The following ABCD2 variants were observed in gnomAD, a reference collection of about 807,000 sequenced individuals.
ABCD2 encodes ATP-binding cassette sub-family D member 2.
ABCD2 carries 36 observed loss-of-function variants against 70.9 expected under a neutral mutation model. The observed-to-expected ratio is 0.51, with a 90% CI of 0.39 to 0.67. ABCD2 has a LOEUF of 0.67. ABCD2 is among the 30% of genes least tolerant of loss of function. The probability of loss-of-function intolerance (pLI) is 0.00; values close to 1 mark genes in which losing one functional copy is unlikely to be tolerated. For missense variants in ABCD2, 729 were observed against 890.2 expected (o/e 0.82, Z 2.30); for synonymous variants, 304 against 306.9 (o/e 0.99, Z 0.10).
rs753642050 is a variant in ABCD2, at chr12:39,553,863, T to G, written c.*49A>C. 1.6e-5 allele frequency: 22 copies of G among 1,372,424 alleles called. No individual in the cohort carries two copies. The highest frequency in any genetic ancestry group is 2.2e-5 in the Non-Finnish European group (22 of 993,934). 85.0% of individuals were successfully genotyped at this position (1,372,424 alleles called of 1,614,324 possible). On this transcript the variant is annotated 3_prime_UTR_variant, in exon 10 of 10. Coordinates refer to ENST00000308666, the MANE Select transcript of ABCD2 (RefSeq NM_005164.4). Reference sequence around the variant, plus strand: ...ATACTTCATGCAGTATAACAGAATGTCTTTGAGCCTTTATCTAATAATTAA... The same window carrying G: ...ATACTTCATGCAGTATAACAGAATGGCTTTGAGCCTTTATCTAATAATTAA...
chr12:39,535,430 C>T, the ABCD2 span, among the ~76,000 whole-genome samples: 9 of 152,066 alleles, frequency 5.9e-5, no homozygotes, highest in African/African-American at 2.2e-4. Flanking sequence ...TTAAAAAAGA[C>T]ATATGTGAGG....
At chr12:39,565,961 G>C (rs1941339653) in intron 9 of ABCD2, among the ~76,000 whole-genome samples, 1 of 152,146 alleles carries the variant, frequency 6.6e-6, no homozygotes, top group African/African-American at 2.4e-5. Flanking sequence ...AACCAGCCTT[G>C]CATCCCAGGG....
Position 39,580,691 on chromosome 12 carries a change from G to A in ABCD2, c.1793-1072C>T, listed in dbSNP as rs576863485. 2.0e-5 allele frequency among the ~76,000 whole-genome samples: 3 copies of A among 152,176 alleles called. No homozygotes were observed. The East Asian group carries it at 5.8e-4, about 29-fold the overall frequency. On this transcript the variant is annotated intron_variant, in intron 7 of 9. Coordinates refer to ENST00000308666, the MANE Select transcript of ABCD2 (RefSeq NM_005164.4). ...GAGTCTGATTTTCAAACAAGAAAAT[G>A]ATGCCAAAACCTAACAGATACTTAC...
At chr12:39,611,918 T>A (rs1942049814) in intron 2 of ABCD2, among the ~76,000 whole-genome samples, 1 of 151,940 alleles carries the variant, frequency 6.6e-6, no homozygotes, top group South Asian at 2.1e-4. Flanking sequence ...GATAAACCAA[T>A]GTAAAAATGA....
chr12:39,609,477 T>G (rs1367731290), intron 2 of ABCD2, among the ~76,000 whole-genome samples: 1 of 152,224 alleles, frequency 6.6e-6, no homozygotes, highest in East Asian at 1.9e-4. Flanking sequence ...GTTATTATTT[T>G]TTGTAGTTGT....
Position 39,607,579 on chromosome 12 carries a change from A to C in ABCD2, c.1236+20T>G, listed in dbSNP as rs1455141208. On this transcript the variant is annotated intron_variant, in intron 3 of 9. Transcript: ENST00000308666. ...CATAAATTTTATTTTAATTGAATTG[A>C]CAATAAGAAATGCAAGTACCTCTTT... is the stretch of plus-strand genomic sequence containing the variant. The C allele has an allele frequency of 6.6e-7, 1 of 1,510,584 alleles. No homozygotes were observed. Among genetic ancestry groups the C allele is most frequent in the African/African-American group, 1.4e-5 (1 of 71,940 alleles). 93.6% of individuals were successfully genotyped at this position (1,510,584 alleles called of 1,614,324 possible). A position where few individuals can be genotyped will look rare whatever the true frequency, so the allele number is the denominator to read the frequency against.
the ABCD2 span, among the ~76,000 whole-genome samples, chr12:39,543,292 A>G: frequency 6.6e-6 from 1 of 152,204 alleles, no homozygotes; most frequent in Non-Finnish European, 1.5e-5. Context: ...AGCCAGCGTG[A>G]CATTTGGACC....
intron 6 of ABCD2, among the ~76,000 whole-genome samples, chr12:39,598,459 G>A (rs1941850011): frequency 6.6e-6 from 1 of 152,106 alleles, no homozygotes; most frequent in African/African-American, 2.4e-5. Flanking sequence ...GGAGTGCAGT[G>A]GCGCCATCTC....
chr12:39,579,023 C>T (rs1941559410), intron 8 of ABCD2, among the ~76,000 whole-genome samples: 1 of 151,954 alleles, frequency 6.6e-6, no homozygotes, highest in Non-Finnish European at 1.5e-5. Context: ...CATTACTCAA[C>T]ATGAAAGAAA....
chr12:39,607,806 T>G (rs1941991189), intron 2 of ABCD2, 92 bp from the exon 3 acceptor site: 1 of 813,348 alleles, frequency 1.2e-6, no homozygotes, highest in Non-Finnish European at 2.0e-6. Flanking sequence ...AAATTGTGGC[T>G]AAAACAACCA....
At chr12:39,595,062 T>C (rs1192579009) in intron 6 of ABCD2, among the ~76,000 whole-genome samples, 1 of 151,844 alleles carries the variant, frequency 6.6e-6, no homozygotes, top group Non-Finnish European at 1.5e-5. Context: ...TGACACTCTG[T>C]TTCAAAAAAA....
At chr12:39,593,052 A>G (rs1333055712) in intron 6 of ABCD2, among the ~76,000 whole-genome samples, 3 of 152,188 alleles carry the variant, frequency 2.0e-5, no homozygotes, top group African/African-American at 7.2e-5. Context: ...TAGAGAAAAG[A>G]GGCAAATCAG....
At position 39,580,102 on chromosome 12, in the gene ABCD2, GT is replaced by G. The variant is rs950426386; in HGVS notation, c.1793-484del. 3.4e-4 allele frequency among the ~76,000 whole-genome samples: 51 copies of G among 152,100 alleles called. 1 individual carries two copies. The highest frequency in any genetic ancestry group is 1.1e-3 in the African/African-American group (47 of 41,390). Reference sequence around the variant, plus strand: ...AGATTTTATTTCTTGCATTTTATAAGTGAGCAACTGTAGTTCATGGAGTAAT... The same window carrying G: ...AGATTTTATTTCTTGCATTTTATAAGGAGCAACTGTAGTTCATGGAGTAAT... On this transcript the variant is annotated intron_variant, in intron 7 of 9. Transcript: ENST00000308666.
In ABCD2 at chr12:39,554,058, G is replaced by A. The variant is rs749976817; in HGVS notation, c.2077C>T (p.Arg693Cys). 1.4e-5 allele frequency: 22 copies of A among 1,613,612 alleles called. No individual in the cohort carries two copies. The highest frequency in any genetic ancestry group is 1.9e-5 in the Non-Finnish European group (22 of 1,179,810). ...TGTTTTTCTTCACTCAATGTCAAAC[G>A]GATAGCAGTATCCAATTGTTCAAAG... ...WRFEQLDTAI[R>C]LTLSEEKQKL... The change falls in exon 10 of 10, where the codon CGT becomes TGT. Residue 693 changes from arginine (R) to cysteine (C), a missense_variant. Physicochemically the swap from Arg to Cys is radical, Grantham distance 180. This residue lies in a region of ABCD2 where 289 missense variants were observed against 328.8 expected (regional missense o/e 0.88). Coordinates refer to ENST00000308666, the MANE Select transcript of ABCD2 (RefSeq NM_005164.4).
At chr12:39,592,062 T>G (rs942191439) in intron 6 of ABCD2, among the ~76,000 whole-genome samples, 3 of 152,150 alleles carry the variant, frequency 2.0e-5, no homozygotes, top group African/African-American at 7.2e-5. Context: ...TAAAAGAGAT[T>G]TAAAAAAACT....
At chr12:39,571,913 G>T (rs1394671440) in intron 9 of ABCD2, among the ~76,000 whole-genome samples, 1 of 152,002 alleles carries the variant, frequency 6.6e-6, no homozygotes, top group Non-Finnish European at 1.5e-5. Context: ...CCCCACTTCT[G>T]AAATCTATTC....
chr12:39,554,181 A>AT (rs1262816066), intron 9 of ABCD2, 50 bp from the exon 10 acceptor site: 1 of 1,535,568 alleles, frequency 6.5e-7, no homozygotes, highest in East Asian at 2.3e-5. Context: ...TTGAAAAATC[A>AT]TTTTAGTTGT....
chr12:39,588,804 C>A (rs1941702956), intron 6 of ABCD2, among the ~76,000 whole-genome samples: 1 of 150,920 alleles, frequency 6.6e-6, no homozygotes, highest in African/African-American at 2.4e-5. Context: ...ATATCAATGT[C>A]ATATAAAATA....
chr12:39,600,832 A>G, intron 5 of ABCD2, 116 bp from the exon 6 acceptor site: 1 of 915,980 alleles, frequency 1.1e-6, no homozygotes, highest in Non-Finnish European at 1.6e-6. Context: ...TAGGTTGGGC[A>G]AAAGATCAAG....
Sources: gnomAD v4.1 joint callset for allele counts (sites outside exome capture counted in the v4.1 genomes callset) on GRCh38, gnomAD v4.1.1 for gene constraint, gnomAD v4.1.1 regional missense constraint, MANE v1.5 for transcripts, NCBI Gene and HGNC (gene_info 2026-07-23, HGNC 2026-07-21) for gene names.